DMD: variants seen among roughly 807,000 people sequenced by gnomAD.
DMD encodes dystrophin.
A neutral mutation model predicts 330.1 loss-of-function variants in DMD; 63 were observed. That is an observed-to-expected ratio of 0.19 (90% CI 0.16 to 0.24). The LOEUF is 0.24. Ranked by LOEUF, DMD falls within the 10% of genes least tolerant of loss-of-function variation. The pLI is 1.00. For missense variants in DMD, 3,344 were observed against 2,684.1 expected (o/e 1.25, Z -5.43); for synonymous variants, 1,223 against 959.8 (o/e 1.27, Z -5.07).
chrX:32,725,756 A>G (rs1162303716), intron 7 of DMD, among the ~76,000 whole-genome samples: 1 of 110,652 alleles, frequency 9.0e-6, no homozygotes, highest in African/African-American at 3.3e-5. Flanking sequence ...TAGAAAGAAT[A>G]AAACATAGTA....
At position 32,404,993 on chromosome X, in the gene DMD, G is replaced by C. The variant is rs146394847; in HGVS notation, c.4233+6759C>G. On this transcript the variant is annotated intron_variant, in intron 30 of 78. Transcript: ENST00000357033. Reference sequence around the variant, plus strand: ...ATCAAAATAGGAGAGAATCTCACCAGTAGTTTGATTGCCACTCTGACTCCC... The same window carrying C: ...ATCAAAATAGGAGAGAATCTCACCACTAGTTTGATTGCCACTCTGACTCCC... 7.1e-3 allele frequency among the ~76,000 whole-genome samples: 797 copies of C among 111,700 alleles called. 3 individuals carry two copies. The highest frequency in any genetic ancestry group is 0.024 in the African/African-American group (748 of 30,823).
intron 61 of DMD, among the ~76,000 whole-genome samples, chrX:31,345,857 A>T (rs943483138): frequency 2.1e-4 from 23 of 111,943 alleles, no homozygotes; most frequent in African/African-American, 7.1e-4. Flanking sequence ...ACATGCGGAT[A>T]ATAAAGTTAG....
chrX:32,737,108 T>TCAC (rs1569501080), intron 7 of DMD, among the ~76,000 whole-genome samples: 3 of 108,579 alleles, frequency 2.8e-5, no homozygotes, highest in Non-Finnish European at 5.7e-5. Flanking sequence ...AAAATAAAAA[T>TCAC]CACCACCACC....
chrX:32,453,393 C>T (rs976906957), intron 26 of DMD, among the ~76,000 whole-genome samples: 3 of 110,714 alleles, frequency 2.7e-5, no homozygotes, highest in African/African-American at 9.8e-5. Flanking sequence ...TAGTTTTATA[C>T]ACACATAATA....
intron 33 of DMD, 144 bp downstream of exon 33, chrX:32,386,166 G>GTA (rs2097956854): frequency 3.5e-6 from 2 of 573,708 alleles, no homozygotes; most frequent in Non-Finnish European, 5.9e-6. Context: ...GTATATGTGT[G>GTA]TATATATATA....
intron 62 of DMD, among the ~76,000 whole-genome samples, chrX:31,280,629 A>T (rs983334595): frequency 2.7e-5 from 3 of 112,246 alleles, no homozygotes; most frequent in Non-Finnish European, 3.8e-5. Flanking sequence ...AAATTTTTTT[A>T]AAAAAGCGTT....
chrX:32,422,018 T>C (rs1412727757), intron 29 of DMD, among the ~76,000 whole-genome samples: 1 of 111,547 alleles, frequency 9.0e-6, no homozygotes, highest in Non-Finnish European at 1.9e-5. Context: ...TCATTCTACT[T>C]CAGCAGGGAA....
chrX:32,167,515 T>C (rs1219976898), intron 44 of DMD, among the ~76,000 whole-genome samples: 1 of 112,238 alleles, frequency 8.9e-6, no homozygotes, highest in Non-Finnish European at 1.9e-5. Flanking sequence ...AGATAAGTCT[T>C]CAGCACAGAC....
At chrX:32,209,214 A>G (rs1228352787) in intron 44 of DMD, among the ~76,000 whole-genome samples, 1 of 111,598 alleles carries the variant, frequency 9.0e-6, no homozygotes, top group East Asian at 2.8e-4. Context: ...GATCTCCCAG[A>G]AAGAGTTCAA....
At chrX:31,832,063 C>G (rs2093059516) in intron 49 of DMD, among the ~76,000 whole-genome samples, 1 of 112,145 alleles carries the variant, frequency 8.9e-6, no homozygotes, top group Non-Finnish European at 1.9e-5. Context: ...TCAAAATAGA[C>G]TTGTTCATTT....
chrX:32,806,316 C>G (rs191305208), intron 7 of DMD, among the ~76,000 whole-genome samples: 2 of 109,072 alleles, frequency 1.8e-5, no homozygotes, highest in Admixed American at 1.9e-4. Flanking sequence ...AGACTTTAAA[C>G]TAACAAAGAT....
At chrX:33,131,634 C>CA (rs975100492) in intron 1 of DMD, among the ~76,000 whole-genome samples, 26 of 111,692 alleles carry the variant, frequency 2.3e-4, no homozygotes, top group Non-Finnish European at 4.3e-4. Flanking sequence ...ACCATTCAGG[C>CA]AAAAAAAGTT....
At chrX:33,088,572 C>G (rs928350804) in intron 1 of DMD, among the ~76,000 whole-genome samples, 1 of 110,872 alleles carries the variant, frequency 9.0e-6, no homozygotes, top group Admixed American at 9.6e-5. Context: ...CTGCTAAGAG[C>G]TACTCGGGAG....
intron 11 of DMD, among the ~76,000 whole-genome samples, chrX:32,619,961 A>G (rs1395824982): frequency 9.0e-6 from 1 of 111,400 alleles, no homozygotes; most frequent in Non-Finnish European, 1.9e-5. Flanking sequence ...AGTAAGAAAC[A>G]GAAGAGGAAG....
chrX:32,832,800 T>G (rs1013833946), intron 4 of DMD, among the ~76,000 whole-genome samples: 10 of 111,713 alleles, frequency 9.0e-5, no homozygotes, highest in African/African-American at 3.2e-4. Context: ...TTTTTCTTAT[T>G]AAATCATAAA....
intron 16 of DMD, among the ~76,000 whole-genome samples, chrX:32,554,923 AAGAAAGAAAG>A (rs1387766197): frequency 3.3e-5 from 1 of 29,875 alleles, no homozygotes; most frequent in African/African-American, 1.5e-4. Flanking sequence ...GAAAGAAAGA[AAGAAAGAAAG>A]AAAGAAAGAG....
chrX:32,793,254 A>C (rs972211272), intron 7 of DMD, among the ~76,000 whole-genome samples: 3 of 111,745 alleles, frequency 2.7e-5, no homozygotes, highest in Non-Finnish European at 5.6e-5. Context: ...AATGAATATC[A>C]AAATATAATA....
At position 31,658,171 on chromosome X, in the gene DMD, G is replaced by T. The variant is rs554209852; in HGVS notation, c.7873-27C>A. On this transcript the variant is annotated intron_variant, in intron 53 of 78. Coordinates refer to ENST00000357033, the MANE Select transcript of DMD (RefSeq NM_004006.3). The stretch of plus-strand genomic sequence containing the variant: ...TATAGATTTTTATGAGAAAGAGAAT[G>T]AATGTCAGTTTTTTTTATGAAATCT... 12 of 1,204,471 alleles carry T rather than the reference G, an allele frequency of 1.0e-5. No homozygotes were observed. The South Asian group carries it at 1.4e-4, about 14-fold the overall frequency.
At chrX:32,306,745 A>G (rs2148572322) in intron 42 of DMD, among the ~76,000 whole-genome samples, 1 of 107,075 alleles carries the variant, frequency 9.3e-6, no homozygotes, top group Admixed American at 1.0e-4. Flanking sequence ...TCCTCCTTTC[A>G]GTGATTTGAA....
Sources: gnomAD v4.1 joint callset for allele counts (sites outside exome capture counted in the v4.1 genomes callset) on GRCh38, gnomAD v4.1.1 for gene constraint, MANE v1.5 for transcripts, NCBI Gene and HGNC (gene_info 2026-07-23, HGNC 2026-07-21) for gene names.